MIR2052HG: variants seen among roughly 807,000 people sequenced by gnomAD.
The protein encoded by MIR2052HG is MIR2052 host gene.
intron 2 of MIR2052HG, among the ~76,000 whole-genome samples, chr8:74,670,806 C>T (rs1012403896): frequency 2.1e-4 from 32 of 151,952 alleles, no homozygotes; most frequent in African/African-American, 7.3e-4. Flanking sequence ...GAAATCCTTT[C>T]GTGGCTTTAG....
chr8:74,741,462 G>A (rs1021777438), intron 4 of MIR2052HG, among the ~76,000 whole-genome samples: 1 of 152,120 alleles, frequency 6.6e-6, no homozygotes, highest in East Asian at 1.9e-4. Context: ...TTGGCTTTCA[G>A]CTTCAAAATA....
intron 5 of MIR2052HG, among the ~76,000 whole-genome samples, chr8:74,755,834 T>C (rs565800727): frequency 8.4e-4 from 128 of 152,272 alleles, no homozygotes; most frequent in Middle Eastern, 6.8e-3. Flanking sequence ...CATGAGGTAA[T>C]TGGCAGGTAC....
chr8:74,732,475 T>TA (rs1209556639), intron 4 of MIR2052HG, among the ~76,000 whole-genome samples: 4 of 152,126 alleles, frequency 2.6e-5, no homozygotes, highest in African/African-American at 4.8e-5. Context: ...ATAAGTGGGG[T>TA]AAAAAACTAG....
intron 2 of MIR2052HG, among the ~76,000 whole-genome samples, chr8:74,684,273 A>T (rs1586913226): frequency 2.0e-5 from 3 of 151,954 alleles, no homozygotes; most frequent in Admixed American, 2.0e-4. Flanking sequence ...AAGCCTCCAT[A>T]TTCTTCTGGG....
intron 5 of MIR2052HG, among the ~76,000 whole-genome samples, chr8:74,756,366 C>T (rs1810000186): frequency 6.6e-6 from 1 of 152,276 alleles, no homozygotes; most frequent in Admixed American, 6.5e-5. Context: ...CACGAGTCCC[C>T]TCATTAGGAT....
At chr8:74,679,360 C>A (rs1369908948) in intron 2 of MIR2052HG, among the ~76,000 whole-genome samples, 1 of 151,892 alleles carries the variant, frequency 6.6e-6, no homozygotes, top group African/African-American at 2.4e-5. Context: ...TTTTCCATTC[C>A]TGAGTTATTT....
At chr8:74,758,102 A>T (rs1450158236) in intron 5 of MIR2052HG, 1 of 152,132 alleles carries the variant, frequency 6.6e-6, no homozygotes. Flanking sequence ...TTCTAGTTTT[A>T]TCTTTCAGAA....
intron 2 of MIR2052HG, among the ~76,000 whole-genome samples, chr8:74,651,562 G>GACAAAAA (rs1295511823): frequency 2.0e-5 from 3 of 152,054 alleles, no homozygotes; most frequent in African/African-American, 7.2e-5. Context: ...TAGTGGAGAA[G>GACAAAAA]ACAAAAAACA....
chr8:74,637,710 T>G (rs1350238265), intron 2 of MIR2052HG, among the ~76,000 whole-genome samples: 3 of 152,166 alleles, frequency 2.0e-5, no homozygotes, highest in Non-Finnish European at 4.4e-5. Context: ...ATGTAGTTGC[T>G]TTGTAAGTGG....
intron 2 of MIR2052HG, chr8:74,633,419 T>C (rs1159044044): frequency 1.3e-5 from 2 of 152,186 alleles, no homozygotes; most frequent in African/African-American, 4.8e-5. Flanking sequence ...TTATGACTTG[T>C]CAGGCACAAG....
At position 74,688,849 on chromosome 8, in the gene MIR2052HG, A is replaced by G. The variant is rs1327462894; in HGVS notation, n.217-13530A>G. Among the ~76,000 whole-genome samples the G allele has an allele frequency of 2.0e-5, 3 of 152,068 alleles. No individual in the cohort carries two copies. In the East Asian group the frequency reaches 5.8e-4, roughly 29 times the overall value. On this transcript the variant is annotated intron_variant and non_coding_transcript_variant, in intron 2 of 6. Transcript: ENST00000523442. ...CCCACAAGTCCCCAAAGTTCATTATATCATTTTTATGCCTTTGCATTTTCA... is the reference window on the plus strand; with the variant it reads ...CCCACAAGTCCCCAAAGTTCATTATGTCATTTTTATGCCTTTGCATTTTCA...
chr8:74,737,083 C>A (rs1025511701), intron 4 of MIR2052HG, among the ~76,000 whole-genome samples: 1 of 152,158 alleles, frequency 6.6e-6, no homozygotes, highest in Non-Finnish European at 1.5e-5. Context: ...ATTGGCAGTC[C>A]GCAACAAATC....
intron 4 of MIR2052HG, among the ~76,000 whole-genome samples, chr8:74,749,807 C>T (rs1326368935): frequency 6.8e-6 from 1 of 146,228 alleles, no homozygotes; most frequent in Non-Finnish European, 1.5e-5. Flanking sequence ...CGAGATCGTG[C>T]CACTGCACTC....
chr8:74,690,642 C>G (rs1296618011), intron 2 of MIR2052HG, among the ~76,000 whole-genome samples: 1 of 151,682 alleles, frequency 6.6e-6, no homozygotes. Context: ...CAGAGGGAGA[C>G]TCCATCTCAA....
At chr8:74,675,073 A>AAC (rs1424018563) in intron 2 of MIR2052HG, among the ~76,000 whole-genome samples, 1 of 152,072 alleles carries the variant, frequency 6.6e-6, no homozygotes, top group Non-Finnish European at 1.5e-5. Context: ...AAATTTACTG[A>AAC]AAACCTCGTA....
intron 2 of MIR2052HG, among the ~76,000 whole-genome samples, chr8:74,671,132 G>T (rs1586909391): frequency 6.6e-6 from 1 of 151,958 alleles, no homozygotes; most frequent in South Asian, 2.1e-4. Context: ...GTGTGTGTGT[G>T]TGTGTAGGTG....
chr8:74,643,290 G>A (rs1351802404), intron 2 of MIR2052HG, among the ~76,000 whole-genome samples: 1 of 152,108 alleles, frequency 6.6e-6, no homozygotes, highest in Non-Finnish European at 1.5e-5. Context: ...CTTAAGCATG[G>A]TAGTAAATGT....
chr8:74,637,908 G>A lies in MIR2052HG; in HGVS notation n.216+24968G>A, dbSNP rs144126884. Reference sequence around the variant, plus strand: ...TAAATTCATGGAATGCCTTCTATGTGCCAGAATATGTGTTTGACTCTAGGG... The same window carrying A: ...TAAATTCATGGAATGCCTTCTATGTACCAGAATATGTGTTTGACTCTAGGG... On this transcript the variant is annotated intron_variant and non_coding_transcript_variant, in intron 2 of 6. Transcript: ENST00000523442. Among the ~76,000 whole-genome samples, 366 of 152,204 alleles carry A rather than the reference G, an allele frequency of 2.4e-3. 1 individual carries two copies. Among genetic ancestry groups the A allele is most frequent in the African/African-American group, 8.2e-3 (340 of 41,542 alleles).
intron 1 of MIR2052HG, chr8:74,604,389 G>C (rs1297813601): frequency 1.3e-5 from 5 of 375,684 alleles, no homozygotes; most frequent in Non-Finnish European, 2.0e-5. Context: ...GGCCGGGGGC[G>C]GAACAATAGG....
Sources: gnomAD v4.1 joint callset for allele counts (sites outside exome capture counted in the v4.1 genomes callset) on GRCh38, gnomAD v4.1.1 for gene constraint, MANE v1.5 for transcripts, NCBI Gene and HGNC (gene_info 2026-07-23, HGNC 2026-07-21) for gene names.